Variants in NRG1 observed in about 807,000 individuals in gnomAD.
NRG1 encodes the protein neuregulin 1.
In NRG1, 18 loss-of-function variants were observed where a neutral mutation model predicts 63.8. The observed-to-expected ratio is 0.28, with a 90% CI of 0.19 to 0.42. The LOEUF is 0.42. Ranked by LOEUF, NRG1 falls within the 10% of genes least tolerant of loss-of-function variation. The pLI, the probability that NRG1 is intolerant of heterozygous loss-of-function variation, is 1.00. For missense variants in NRG1, 762 were observed against 814.7 expected (o/e 0.94, Z 0.79); for synonymous variants, 302 against 301.3 (o/e 1.00, Z -0.02).
intron 1 of NRG1, among the ~76,000 whole-genome samples, chr8:32,434,184 CAAAATAAAAT>C (rs71208182): frequency 2.4e-4 from 35 of 146,446 alleles, no homozygotes; most frequent in South Asian, 1.6e-3. Context: ...GACTCCATCT[CAAAATAAAAT>C]AAAATAAAAT....
chr8:32,548,515 G>A (rs1554578384), exon 1 of NRG1: 2 of 1,237,192 alleles, frequency 1.6e-6, no homozygotes, highest in Non-Finnish European at 2.0e-6. Context: ...GAGCCAGGGC[G>A]AGCGCCCGTT....
chr8:32,119,450 T>C (rs1833155658), intron 1 of NRG1, among the ~76,000 whole-genome samples: 2 of 152,122 alleles, frequency 1.3e-5, no homozygotes, highest in African/African-American at 4.8e-5. Flanking sequence ...TTTCTAACTT[T>C]AAAGGCAATC....
intron 6 of NRG1, among the ~76,000 whole-genome samples, chr8:32,730,009 G>A (rs1291052593): frequency 1.3e-5 from 2 of 152,178 alleles, no homozygotes; most frequent in Non-Finnish European, 2.9e-5. Flanking sequence ...AAAAGTAAAT[G>A]TAATCTGTTA....
intron 1 of NRG1, among the ~76,000 whole-genome samples, chr8:32,319,345 T>C (rs748166149): frequency 9.2e-5 from 14 of 152,168 alleles, no homozygotes; most frequent in Non-Finnish European, 1.9e-4. Flanking sequence ...ATGGTCACCT[T>C]AAATTTGCCC....
At chr8:32,681,091 G>A (rs1157520132) in intron 5 of NRG1, among the ~76,000 whole-genome samples, 1 of 152,064 alleles carries the variant, frequency 6.6e-6, no homozygotes, top group East Asian at 1.9e-4. Flanking sequence ...ATAGTGACTT[G>A]GAGGACCCTC....
intron 1 of NRG1, among the ~76,000 whole-genome samples, chr8:32,425,715 A>G (rs1352744627): frequency 6.6e-6 from 1 of 152,198 alleles, no homozygotes; most frequent in Non-Finnish European, 1.5e-5. Flanking sequence ...AGATTATAGT[A>G]GTATTATTTC....
rs970844231 is a variant in NRG1 at position 32,107,657 on chromosome 8, A to G, written c.37+468226A>G. ...TTCACATTCAGTGCTATGTTAAAAA[A>G]TTCACAAAGTAACATACTGAAATTC... On this transcript the variant is annotated intron_variant, in intron 1 of 10. Coordinates refer to the NRG1 transcript ENST00000519301. Among the ~76,000 whole-genome samples the G allele has an allele frequency of 2.0e-5, 3 of 152,212 alleles. No individual in the cohort carries two copies. In the East Asian group the frequency reaches 5.8e-4, roughly 29 times the overall value.
chr8:32,467,653 T>G (rs1587820789), intron 1 of NRG1, among the ~76,000 whole-genome samples: 1 of 152,174 alleles, frequency 6.6e-6, no homozygotes, highest in Admixed American at 6.6e-5. Context: ...CAAATGTAGA[T>G]CTGTCCTTTA....
intron 1 of NRG1, among the ~76,000 whole-genome samples, chr8:31,862,717 A>G (rs915575410): frequency 6.6e-6 from 1 of 152,168 alleles, no homozygotes; most frequent in African/African-American, 2.4e-5. Context: ...AATGACTTCA[A>G]ATATGCAGCC....
At chr8:32,122,277 C>T (rs1000477375) in intron 1 of NRG1, among the ~76,000 whole-genome samples, 2 of 151,998 alleles carry the variant, frequency 1.3e-5, no homozygotes, top group African/African-American at 4.8e-5. Flanking sequence ...GCTACTGGTT[C>T]TCAGTAGGGG....
intron 1 of NRG1, among the ~76,000 whole-genome samples, chr8:32,196,443 G>T (rs1302941820): frequency 1.3e-5 from 2 of 152,146 alleles, no homozygotes; most frequent in Non-Finnish European, 2.9e-5. Context: ...CCTATGCTTA[G>T]AAGTTTAGAC....
At chr8:32,654,741 C>T (rs1228492962) in intron 5 of NRG1, among the ~76,000 whole-genome samples, 1 of 115,244 alleles carries the variant, frequency 8.7e-6, no homozygotes, top group Non-Finnish European at 1.9e-5. Context: ...TAATGATCAA[C>T]GTTATCCCAA....
At chr8:31,658,116 T>C (rs1805610883) in intron 1 of NRG1, among the ~76,000 whole-genome samples, 2 of 152,198 alleles carry the variant, frequency 1.3e-5, no homozygotes, top group African/African-American at 4.8e-5. Context: ...GAACATGCCA[T>C]GTTATTGTGA....
intron 1 of NRG1, among the ~76,000 whole-genome samples, chr8:32,405,929 T>C (rs1000023476): frequency 6.6e-6 from 1 of 152,232 alleles, no homozygotes; most frequent in Non-Finnish European, 1.5e-5. Flanking sequence ...AATGGTATAA[T>C]GTGAATTTGT....
Position 32,475,927 on chromosome 8 carries a change from G to T in NRG1, c.38-119901G>T, listed in dbSNP as rs528351653. ...AGGCTTGAATTAGGTGCTTTAAGTG[G>T]GTTGTCTCAATTAATTCATCACTCT... On this transcript the variant is annotated intron_variant, in intron 1 of 10. Transcript: ENST00000519301. 2.6e-5 allele frequency among the ~76,000 whole-genome samples: 4 copies of T among 152,192 alleles called. No homozygotes were observed. The South Asian group carries it at 8.3e-4, about 32-fold the overall frequency.
chr8:31,826,832 A>G (rs953454964), intron 1 of NRG1, among the ~76,000 whole-genome samples: 6 of 152,186 alleles, frequency 3.9e-5, no homozygotes, highest in South Asian at 2.1e-4. Context: ...AGTTACATGA[A>G]GTTTGTTACT....
At chr8:32,395,553 A>G (rs1268273564) in intron 1 of NRG1, among the ~76,000 whole-genome samples, 1 of 151,468 alleles carries the variant, frequency 6.6e-6, no homozygotes, top group Admixed American at 6.6e-5. Context: ...TAAAGTGTCT[A>G]TGCAAATCTT....
At chr8:32,364,956 A>ATTTTTTTTTTTTT in intron 1 of NRG1, among the ~76,000 whole-genome samples, 2 of 83,060 alleles carry the variant, frequency 2.4e-5, no homozygotes, top group Admixed American at 1.3e-4. Context: ...TCCCTTTACT[A>ATTTTTTTTTTTTT]CTTTTTTTTT....
chr8:32,433,653 G>A (rs1818440202), intron 1 of NRG1, among the ~76,000 whole-genome samples: 1 of 152,092 alleles, frequency 6.6e-6, no homozygotes, highest in Non-Finnish European at 1.5e-5. Flanking sequence ...GTCTTGTAAA[G>A]GGTATTGTTT....
Sources: gnomAD v4.1 joint callset for allele counts (sites outside exome capture counted in the v4.1 genomes callset) on GRCh38, gnomAD v4.1.1 for gene constraint, MANE v1.5 for transcripts, NCBI Gene and HGNC (gene_info 2026-07-23, HGNC 2026-07-21) for gene names.